Variants in OTOF observed in about 807,000 individuals in gnomAD.
The protein encoded by OTOF is fer-1-like family member 2.
A neutral mutation model predicts 236.8 loss-of-function variants in OTOF; 218 were observed. The observed-to-expected ratio is 0.92, with a 90% CI of 0.82 to 1.03. The LOEUF is 1.03. Ranked by LOEUF, OTOF falls within the 50% of genes least tolerant of loss-of-function variation. The pLI is 0.00. For missense variants in OTOF, 2,590 were observed against 2,694.4 expected (o/e 0.96, Z 0.86); for synonymous variants, 1,041 against 1,072.5 (o/e 0.97, Z 0.57).
rs369235766 is a variant in OTOF at position 26,467,212 on chromosome 2, A to C, written c.4249T>G (p.Ser1417Ala). The C allele has an allele frequency of 1.9e-5, 30 of 1,613,822 alleles. No individual in the cohort carries two copies. The African/African-American group carries it at 2.7e-4, about 14-fold the overall frequency. The part of the protein sequence containing the change: ...ELKVYPKELE[S>A]EFDNFEDWLH... ...CAGTCCTCAAAGTTATCAAACTCGG[A>C]CTCCAGCTCTTTGGGGTATACCTGA... Residue 1417 changes from serine (S) to alanine (A), a missense_variant, in exon 35 of 47, where the codon TCC becomes GCC. Ser to Ala is a moderately conservative substitution (Grantham distance 99, BLOSUM62 1). Coordinates refer to ENST00000272371, the MANE Select transcript of OTOF (RefSeq NM_194248.3).
intron 1 of OTOF, among the ~76,000 whole-genome samples, chr2:26,548,609 A>T (rs1169490133): frequency 6.6e-6 from 1 of 152,234 alleles, no homozygotes; most frequent in Non-Finnish European, 1.5e-5. Context: ...ACTTGGATAT[A>T]CAACAGTGGT....
In OTOF at chr2:26,558,342, ATGACTACCTG is replaced by A. The variant is rs1667647942; in HGVS notation, c.79+141_79+150del. ...ACAATGGCCAGTCAGTCCCAGGCAG[ATGACTACCTG>A]TGAAAAGGCTCGTCGCCCCAGCCCC... On this transcript the variant is annotated intron_variant, in intron 1 of 46. Coordinates refer to ENST00000272371, the MANE Select transcript of OTOF (RefSeq NM_194248.3). 9 of 700,746 alleles carry A rather than the reference ATGACTACCTG, an allele frequency of 1.3e-5. No homozygotes were observed. In the South Asian group the frequency reaches 1.4e-4, roughly 11 times the overall value. 43.4% of individuals were successfully genotyped at this position (700,746 alleles called of 1,614,324 possible).
chr2:26,552,910 G>T (rs1023811320), intron 1 of OTOF, among the ~76,000 whole-genome samples: 2 of 152,194 alleles, frequency 1.3e-5, no homozygotes, highest in African/African-American at 4.8e-5. Context: ...CAAGAGAGGG[G>T]GTGCTAGGCT....
chr2:26,483,253 C>T (rs543667550), intron 13 of OTOF, among the ~76,000 whole-genome samples: 1 of 152,072 alleles, frequency 6.6e-6, no homozygotes, highest in South Asian at 2.1e-4. Flanking sequence ...TCTTCCCACA[C>T]CCCCAGCCTC....
At position 26,516,590 on chromosome 2, in the gene OTOF, A is replaced by C; in HGVS notation, c.337T>G (p.Cys113Gly). The C allele has an allele frequency of 1.2e-6, 2 of 1,606,080 alleles. No homozygotes were observed. Among genetic ancestry groups the C allele is most frequent in the Non-Finnish European group, 1.7e-6 (2 of 1,179,940 alleles). ...DNNAIIKTSLCVEVRYQATDG... is the reference protein window; with the variant it reads ...DNNAIIKTSLGVEVRYQATDG... ...GTGGCCTGATACCGGACCTCCACGC[A>C]CAGGCTGGTCTGAAGGGAGGGAGGC... The change falls in exon 5 of 47, where the codon TGC becomes GGC. Residue 113 changes from cysteine to glycine, a missense_variant. By Grantham distance (159) the Cys-to-Gly change is radical. Transcript: ENST00000272371.
rs140473251 is a variant in OTOF at position 26,503,960 on chromosome 2, C to T, written c.510-115G>A. 8 of 908,924 alleles carry T rather than the reference C, an allele frequency of 8.8e-6. No individual in the cohort carries two copies. In the African/African-American group the frequency reaches 1.3e-4, roughly 15 times the overall value. The allele number at this position is 908,924 out of a possible 1,614,324, so 56.3% of individuals were successfully genotyped here. ...CATCAGAGAAGGGAGATGGACCCGG[C>T]CCCTCACCTACTGGTCCCGAGACAG... On this transcript the variant is annotated intron_variant, in intron 5 of 46. Transcript: ENST00000272371.
chr2:26,502,701 A>G (rs933724239), intron 6 of OTOF, among the ~76,000 whole-genome samples: 1 of 152,092 alleles, frequency 6.6e-6, no homozygotes, highest in African/African-American at 2.4e-5. Flanking sequence ...TCTCTTATGG[A>G]AGAAGGTAGG....
At chr2:26,491,808 G>T (rs941343271) in intron 9 of OTOF, among the ~76,000 whole-genome samples, 1 of 152,260 alleles carries the variant, frequency 6.6e-6, no homozygotes, top group Admixed American at 6.5e-5. Context: ...ATCAGGCCAG[G>T]TGCCCGCAGA....
At chr2:26,486,723 G>A (rs934513106) in intron 11 of OTOF, among the ~76,000 whole-genome samples, 8 of 152,138 alleles carry the variant, frequency 5.3e-5, no homozygotes, top group African/African-American at 1.9e-4. Context: ...AAGGTTAGAG[G>A]ACCAATCAGA....
chr2:26,522,040 C>T (rs1666689554), intron 3 of OTOF, among the ~76,000 whole-genome samples: 1 of 152,182 alleles, frequency 6.6e-6, no homozygotes, highest in African/African-American at 2.4e-5. Flanking sequence ...GGCAGTCCCC[C>T]ACCCTTCAAG....
chr2:26,479,430 G>T, intron 17 of OTOF, 43 bp downstream of exon 17: 1 of 1,607,602 alleles, frequency 6.2e-7, no homozygotes, highest in East Asian at 2.2e-5. Context: ...GGCCCAGGGA[G>T]GTGGGAGGGC....
At chr2:26,537,386 C>T (rs1242675135) in intron 2 of OTOF, among the ~76,000 whole-genome samples, 1 of 152,194 alleles carries the variant, frequency 6.6e-6, no homozygotes, top group Non-Finnish European at 1.5e-5. Flanking sequence ...TGGTGGCTCA[C>T]ATTCAGGTCT....
At chr2:26,515,533 T>C (rs1666502464) in intron 5 of OTOF, among the ~76,000 whole-genome samples, 1 of 152,198 alleles carries the variant, frequency 6.6e-6, no homozygotes, top group African/African-American at 2.4e-5. Flanking sequence ...AGTATGTCAG[T>C]TCAATTACAC....
At chr2:26,556,750 G>A (rs144638577) in intron 1 of OTOF, among the ~76,000 whole-genome samples, 15 of 152,258 alleles carry the variant, frequency 9.9e-5, no homozygotes, top group East Asian at 3.9e-4. Context: ...AATGCCACGC[G>A]CAGTGTTCTA....
rs764102927 is a variant in OTOF, at chr2:26,519,245, G to A, written c.228-136C>T. The A allele has an allele frequency of 3.5e-5, 24 of 681,154 alleles. No homozygotes were observed. In the South Asian group the frequency reaches 3.8e-4, roughly 11 times the overall value. 42.2% of individuals were successfully genotyped at this position (681,154 alleles called of 1,614,324 possible). On this transcript the variant is annotated intron_variant, in intron 3 of 46. Transcript: ENST00000272371. ...CCAGCTCTGGGCTGGGCTGGAGAAG[G>A]TGGCCCAGGAGCCAGGACTGGTTGC...
At chr2:26,505,410 G>C in intron 5 of OTOF, among the ~76,000 whole-genome samples, 1 of 136,342 alleles carries the variant, frequency 7.3e-6, no homozygotes, top group East Asian at 2.1e-4. Flanking sequence ...GGGGAGGTGA[G>C]TTACACACAC....
chr2:26,540,862 G>A (rs2148126124), intron 1 of OTOF, among the ~76,000 whole-genome samples: 1 of 152,290 alleles, frequency 6.6e-6, no homozygotes, highest in East Asian at 1.9e-4. Context: ...AGAATGTTTA[G>A]CACCAGCCAG....
chr2:26,500,548 G>A (rs1040421717), intron 8 of OTOF, among the ~76,000 whole-genome samples: 1 of 152,162 alleles, frequency 6.6e-6, no homozygotes, highest in Non-Finnish European at 1.5e-5. Flanking sequence ...TTTGGCAGAG[G>A]TGAGGGGCCG....
intron 39 of OTOF, among the ~76,000 whole-genome samples, chr2:26,464,380 G>A (rs1664629417): frequency 6.6e-6 from 1 of 151,828 alleles, no homozygotes; most frequent in Admixed American, 6.6e-5. Flanking sequence ...GGTCAGGGAG[G>A]GGAGAATCCA....
Sources: gnomAD v4.1 joint callset for allele counts (sites outside exome capture counted in the v4.1 genomes callset) on GRCh38, gnomAD v4.1.1 for gene constraint, MANE v1.5 for transcripts, NCBI Gene and HGNC (gene_info 2026-07-23, HGNC 2026-07-21) for gene names.